The following CPNE4 variants were observed in gnomAD, a reference collection of about 807,000 sequenced individuals.
CPNE4 encodes copine-4.
CPNE4 carries 25 observed loss-of-function variants against 67.9 expected under a neutral mutation model. The ratio of observed to expected loss-of-function variants is 0.37; its 90% confidence interval spans 0.27 to 0.51. The LOEUF is 0.51. Ranked by LOEUF, CPNE4 falls within the 20% of genes least tolerant of loss-of-function variation. CPNE4 has a pLI of 0.93. For missense variants in CPNE4, 464 were observed against 690.8 expected, an observed-to-expected ratio of 0.67 and a Z score of 3.68; for synonymous variants, 242 against 244.9, an observed-to-expected ratio of 0.99 and a Z score of 0.11.
chr3:131,623,752 T>G (rs1940596321), intron 7 of CPNE4, among the ~76,000 whole-genome samples: 3 of 152,210 alleles, frequency 2.0e-5, no homozygotes, highest in African/African-American at 7.2e-5. Flanking sequence ...AATCTGCATT[T>G]AAACAAAATC....
chr3:131,579,987 A>G (rs552203596), intron 9 of CPNE4, among the ~76,000 whole-genome samples: 44 of 152,344 alleles, frequency 2.9e-4, no homozygotes, highest in African/African-American at 9.6e-4. Flanking sequence ...GCAAAATGCT[A>G]TCAGACAGCA....
chr3:131,568,851 C>T (rs1050870687), intron 10 of CPNE4, among the ~76,000 whole-genome samples: 3 of 151,982 alleles, frequency 2.0e-5, no homozygotes, highest in Non-Finnish European at 4.4e-5. Context: ...ACCTTCTCGA[C>T]GTTTTCTAAG....
chr3:131,863,555 TG>T (rs1158945779), intron 2 of CPNE4, among the ~76,000 whole-genome samples: 1 of 152,244 alleles, frequency 6.6e-6, no homozygotes, highest in African/African-American at 2.4e-5. Flanking sequence ...TTGATGGGAT[TG>T]TTTTTTTCTT....
intron 2 of CPNE4, among the ~76,000 whole-genome samples, chr3:131,861,238 A>G (rs2086665278): frequency 6.6e-6 from 1 of 152,162 alleles, no homozygotes; most frequent in South Asian, 2.1e-4. Flanking sequence ...CTCACCAAAA[A>G]GTTGTGCTTT....
At chr3:131,843,903 A>G (rs2085893352) in intron 2 of CPNE4, among the ~76,000 whole-genome samples, 3 of 152,126 alleles carry the variant, frequency 2.0e-5, no homozygotes, top group African/African-American at 7.2e-5. Flanking sequence ...AAACCTTTAC[A>G]AAGAGCATGG....
intron 2 of CPNE4, among the ~76,000 whole-genome samples, chr3:131,787,036 A>T (rs1426691054): frequency 6.6e-6 from 1 of 152,084 alleles, no homozygotes; most frequent in Non-Finnish European, 1.5e-5. Context: ...CTGCCTCTCT[A>T]TTTGTATCTT....
At chr3:131,901,037 C>G (rs1278941174) in intron 2 of CPNE4, among the ~76,000 whole-genome samples, 4 of 151,990 alleles carry the variant, frequency 2.6e-5, no homozygotes, top group Non-Finnish European at 5.9e-5. Context: ...TTGGGTGTTC[C>G]CAATGAGAAC....
chr3:131,849,249 T>C (rs2086137767), intron 2 of CPNE4, among the ~76,000 whole-genome samples: 1 of 152,074 alleles, frequency 6.6e-6, no homozygotes, highest in African/African-American at 2.4e-5. Context: ...GCAGAAGGGA[T>C]TGTGTATTAG....
intron 2 of CPNE4, among the ~76,000 whole-genome samples, chr3:131,815,588 G>A (rs186846787): frequency 6.6e-6 from 1 of 152,160 alleles, no homozygotes; most frequent in Non-Finnish European, 1.5e-5. Flanking sequence ...ATATATATAT[G>A]TAAGTAAGTC....
At chr3:131,701,840 A>C (rs1191081153) in intron 3 of CPNE4, among the ~76,000 whole-genome samples, 7 of 152,208 alleles carry the variant, frequency 4.6e-5, no homozygotes, top group African/African-American at 1.7e-4. Context: ...ACAGCAACTG[A>C]GATAACAAAT....
intron 7 of CPNE4, among the ~76,000 whole-genome samples, chr3:131,604,976 A>T (rs1939415610): frequency 6.6e-6 from 1 of 152,104 alleles, no homozygotes; most frequent in Non-Finnish European, 1.5e-5. Context: ...CTGCGTTTAA[A>T]TTATTTCTGT....
chr3:131,824,969 G>A (rs2085096406), intron 2 of CPNE4, among the ~76,000 whole-genome samples: 1 of 152,042 alleles, frequency 6.6e-6, no homozygotes, highest in Non-Finnish European at 1.5e-5. Flanking sequence ...TGTGATACTT[G>A]AACTTCCACC....
At chr3:131,654,379 T>TA (rs1004406462) in intron 7 of CPNE4, among the ~76,000 whole-genome samples, 8 of 152,106 alleles carry the variant, frequency 5.3e-5, no homozygotes, top group African/African-American at 1.9e-4. Flanking sequence ...AATTTTTTTT[T>TA]AATTTTTTTC....
chr3:131,658,361 G>A (rs1382879381), intron 7 of CPNE4, among the ~76,000 whole-genome samples: 1 of 152,032 alleles, frequency 6.6e-6, no homozygotes, highest in Non-Finnish European at 1.5e-5. Flanking sequence ...ATCTCTACCT[G>A]GTTTCTCTCT....
In CPNE4 at chr3:131,610,748, C is replaced by A. The variant is rs569515953; in HGVS notation, c.682-23166G>T. On this transcript the variant is annotated intron_variant, in intron 7 of 15. Transcript: ENST00000429747. ...CACATGAATCCTTATTTCAGGGTTGCTTCTGGAGGACCTGACCTAAGATTG... is the reference window on the plus strand; with the variant it reads ...CACATGAATCCTTATTTCAGGGTTGATTCTGGAGGACCTGACCTAAGATTG... Among the ~76,000 whole-genome samples the A allele has an allele frequency of 3.3e-5, 5 of 152,254 alleles. No individual in the cohort carries two copies. The South Asian group carries it at 1.0e-3, about 32-fold the overall frequency.
chr3:131,986,603 T>A (rs772632374), intron 1 of CPNE4, among the ~76,000 whole-genome samples: 15 of 152,022 alleles, frequency 9.9e-5, no homozygotes, highest in African/African-American at 3.4e-4. Flanking sequence ...TTGTGCAACA[T>A]AGAACTTAAG....
At chr3:131,615,987 C>G (rs946731617) in intron 7 of CPNE4, among the ~76,000 whole-genome samples, 1 of 151,424 alleles carries the variant, frequency 6.6e-6, no homozygotes, top group African/African-American at 2.4e-5. Flanking sequence ...GCCACAGCCC[C>G]CTTCTGAGGG....
intron 6 of CPNE4, among the ~76,000 whole-genome samples, chr3:131,680,635 A>G (rs1407059509): frequency 6.6e-6 from 1 of 152,054 alleles, no homozygotes; most frequent in African/African-American, 2.4e-5. Context: ...AGGGAGTGTT[A>G]TGTCTTCTTT....
intron 2 of CPNE4, among the ~76,000 whole-genome samples, chr3:131,728,687 G>A (rs1180838462): frequency 2.0e-5 from 3 of 151,916 alleles, no homozygotes; most frequent in African/African-American, 7.3e-5. Flanking sequence ...GAGGCGGGCG[G>A]ATCACGAGGT....
Sources: gnomAD v4.1 joint callset for allele counts (sites outside exome capture counted in the v4.1 genomes callset) on GRCh38, gnomAD v4.1.1 for gene constraint, MANE v1.5 for transcripts, NCBI Gene and HGNC (gene_info 2026-07-23, HGNC 2026-07-21) for gene names.